The following ZFPM2 variants were observed in gnomAD, a reference collection of about 807,000 sequenced individuals.
ZFPM2 encodes the protein zinc finger protein ZFPM2.
In ZFPM2, 20 loss-of-function variants were observed where a neutral mutation model predicts 98.6. That is an observed-to-expected ratio of 0.20 (90% CI 0.14 to 0.29). ZFPM2 has a LOEUF of 0.29. ZFPM2 is among the 10% of genes least tolerant of loss of function. The probability of loss-of-function intolerance (pLI) is 1.00; values close to 1 mark genes in which losing one functional copy is unlikely to be tolerated. For synonymous variants in ZFPM2, 518 were observed against 502.7 expected, an observed-to-expected ratio of 1.03 and a Z score of -0.41; for missense variants, 1,310 against 1,388.6, an observed-to-expected ratio of 0.94 and a Z score of 0.90.
chr8:105,670,330 A>G (rs2130902892), intron 5 of ZFPM2, among the ~76,000 whole-genome samples: 1 of 151,996 alleles, frequency 6.6e-6, no homozygotes, highest in South Asian at 2.1e-4. Context: ...CCCCATCTCT[A>G]CTAAAAATGC....
intron 5 of ZFPM2, among the ~76,000 whole-genome samples, chr8:105,715,409 A>G (rs1248877329): frequency 1.6e-4 from 9 of 54,902 alleles, no homozygotes; most frequent in Middle Eastern, 7.9e-3. Flanking sequence ...CCATCTCTTG[A>G]AAAAAAAAAA....
At chr8:105,512,296 C>T (rs1813833530) in intron 3 of ZFPM2, among the ~76,000 whole-genome samples, 1 of 152,194 alleles carries the variant, frequency 6.6e-6, no homozygotes, top group Non-Finnish European at 1.5e-5. Flanking sequence ...TGATCATGGG[C>T]TGTATCACAG....
intron 1 of ZFPM2, among the ~76,000 whole-genome samples, chr8:105,390,685 A>G (rs952138714): frequency 6.6e-6 from 1 of 152,208 alleles, no homozygotes; most frequent in African/African-American, 2.4e-5. Context: ...GTGCAGGACA[A>G]AGACCAGACA....
intron 3 of ZFPM2, 120 bp downstream of exon 3, chr8:105,444,501 G>A (rs1812328820): frequency 1.8e-6 from 1 of 561,134 alleles, no homozygotes; most frequent in Non-Finnish European, 3.0e-6. Context: ...GGTTACATGA[G>A]AGTTTAAATA....
At chr8:105,451,028 C>T (rs1410250404) in intron 3 of ZFPM2, among the ~76,000 whole-genome samples, 1 of 151,870 alleles carries the variant, frequency 6.6e-6, no homozygotes, top group Non-Finnish European at 1.5e-5. Flanking sequence ...CAGCTAATGT[C>T]TTTGATTCAC....
At chr8:105,390,431 C>T (rs191558059) in intron 1 of ZFPM2, among the ~76,000 whole-genome samples, 57 of 152,284 alleles carry the variant, frequency 3.7e-4, no homozygotes, top group East Asian at 1.2e-3. Context: ...GTAGAGCTTT[C>T]GTGTATTCTC....
chr8:105,678,483 T>A (rs966678979), intron 5 of ZFPM2: 1 of 152,224 alleles, frequency 6.6e-6, no homozygotes, highest in Non-Finnish European at 1.5e-5. Context: ...GTTTTAGAAA[T>A]GGCCTTTATG....
intron 1 of ZFPM2, among the ~76,000 whole-genome samples, chr8:105,390,655 T>A (rs1489325058): frequency 6.6e-6 from 1 of 152,204 alleles, no homozygotes; most frequent in Non-Finnish European, 1.5e-5. Context: ...CTTGAGAAAT[T>A]CCAAGGGCTT....
Position 105,444,384 on chromosome 8 carries a change from A to G in ZFPM2, c.301+3A>G, listed in dbSNP as rs1305039617. On this transcript the variant is annotated splice_donor_region_variant and intron_variant, in intron 3 of 7. Transcript: ENST00000407775. ...GACAGACGACTGGGATGGACCAGGT[A>G]GGGGAGAATATTTAAAATTCAACCG... 1 of 1,603,212 alleles carries G rather than the reference A, an allele frequency of 6.2e-7. No homozygotes were observed. Among genetic ancestry groups the G allele is most frequent in the Non-Finnish European group, 8.5e-7 (1 of 1,173,864 alleles).
At chr8:105,431,780 C>T (rs1390271214) in intron 2 of ZFPM2, among the ~76,000 whole-genome samples, 1 of 151,936 alleles carries the variant, frequency 6.6e-6, no homozygotes, top group Non-Finnish European at 1.5e-5. Flanking sequence ...CCTAGCAGGG[C>T]ATGGTGGTGC....
At chr8:105,728,989 C>T (rs956240183) in intron 5 of ZFPM2, among the ~76,000 whole-genome samples, 11 of 151,604 alleles carry the variant, frequency 7.3e-5, no homozygotes, top group African/African-American at 2.7e-4. Context: ...AGGTGCCTGT[C>T]TGAGAACATA....
At chr8:105,545,725 T>A (rs1814681094) in intron 3 of ZFPM2, among the ~76,000 whole-genome samples, 1 of 152,184 alleles carries the variant, frequency 6.6e-6, no homozygotes, top group Non-Finnish European at 1.5e-5. Context: ...TGCTGTAAGT[T>A]TTATCTTCAT....
At chr8:105,498,786 A>G (rs1289898009) in intron 3 of ZFPM2, among the ~76,000 whole-genome samples, 2 of 152,110 alleles carry the variant, frequency 1.3e-5, no homozygotes, top group African/African-American at 4.8e-5. Context: ...GAAGTTGGAG[A>G]GATGGTCAGG....
chr8:105,802,357 A>C lies in ZFPM2; in HGVS notation c.2275A>C (p.Arg759=). The part of the protein sequence containing the change: ...QEQRPPLVQQ[R]FLDVANLNNP... ...ACAAAGGCCTCCACTGGTTCAGCAG[A>C]GATTTCTTGACGTAGCCAACCTCAA... Residue 759 remains arginine (R), a synonymous_variant, in exon 8 of 8, where the codon AGA becomes CGA. Transcript: ENST00000407775. 1 of 1,613,844 alleles carries C rather than the reference A, an allele frequency of 6.2e-7. No homozygotes were observed. Among genetic ancestry groups the C allele is most frequent in the Non-Finnish European group, 8.5e-7 (1 of 1,179,872 alleles).
chr8:105,694,015 C>G (rs996137177), intron 5 of ZFPM2, among the ~76,000 whole-genome samples: 5 of 121,734 alleles, frequency 4.1e-5, no homozygotes, highest in African/African-American at 1.7e-4. Context: ...GATGGAGTCT[C>G]ACACTCTGTT....
chr8:105,456,440 T>C (rs575747863), intron 3 of ZFPM2, among the ~76,000 whole-genome samples: 1 of 152,150 alleles, frequency 6.6e-6, no homozygotes, highest in African/African-American at 2.4e-5. Flanking sequence ...AAAATAAATT[T>C]TCTTGGTAAA....
intron 5 of ZFPM2, among the ~76,000 whole-genome samples, chr8:105,743,641 C>T (rs1761537120): frequency 6.6e-6 from 1 of 152,038 alleles, no homozygotes; most frequent in Non-Finnish European, 1.5e-5. Context: ...GTGAACTACT[C>T]CTTAATGAAC....
At chr8:105,552,347 C>T (rs1342164333) in intron 3 of ZFPM2, among the ~76,000 whole-genome samples, 1 of 152,166 alleles carries the variant, frequency 6.6e-6, no homozygotes, top group Non-Finnish European at 1.5e-5. Flanking sequence ...CCCCCACTAA[C>T]TGGAGCTCCC....
intron 4 of ZFPM2, among the ~76,000 whole-genome samples, chr8:105,607,825 A>T (rs1816226247): frequency 6.6e-6 from 1 of 152,130 alleles, no homozygotes; most frequent in African/African-American, 2.4e-5. Flanking sequence ...ATATCCTAAT[A>T]TGTAGTGAAT....
Sources: allele counts gnomAD v4.1 joint callset (sites outside exome capture counted in the v4.1 genomes callset), GRCh38; gene constraint gnomAD v4.1.1; transcripts MANE v1.5; gene names NCBI Gene and HGNC (gene_info 2026-07-23, HGNC 2026-07-21).